CNOT1: variants seen among roughly 807,000 people sequenced by gnomAD.
The protein encoded by CNOT1 is CCR4-NOT transcription complex subunit 1.
In CNOT1, 15 loss-of-function variants were observed where a neutral mutation model predicts 273.8. The ratio of observed to expected loss-of-function variants is 0.05; its 90% confidence interval spans 0.04 to 0.08. CNOT1 has a LOEUF of 0.08. CNOT1 is among the 10% of genes least tolerant of loss of function. The pLI is 1.00. For synonymous variants in CNOT1, 1,022 were observed against 1,005.5 expected (o/e 1.02, Z -0.31); for missense variants, 1,644 against 2,912.2 (o/e 0.56, Z 10.02).
chr16:58,585,290 A>G (rs1366962612), intron 8 of CNOT1, 48 bp downstream of exon 8: 1 of 1,603,300 alleles, frequency 6.2e-7, no homozygotes, highest in Non-Finnish European at 8.5e-7. Flanking sequence ...GAATTACATC[A>G]TGTTTGGCAC....
rs577831665 is a variant in CNOT1, at chr16:58,579,331, T to C, written c.1344-392A>G. ...CAGATTTACAGAATAAAAGAAACTA[T>C]GGACTGCGTCTGGATTCTCAATCAT... is the stretch of plus-strand genomic sequence containing the variant. On this transcript the variant is annotated intron_variant, in intron 12 of 48. Coordinates refer to ENST00000317147, the MANE Select transcript of CNOT1 (RefSeq NM_016284.5). Among the ~76,000 whole-genome samples, 17 of 152,318 alleles carry C rather than the reference T, an allele frequency of 1.1e-4. No homozygotes were observed. In the South Asian group the frequency reaches 3.1e-3, roughly 28 times the overall value.
chr16:58,539,023 T>C, intron 35 of CNOT1, 109 bp from the exon 36 acceptor site: 1 of 1,461,280 alleles, frequency 6.8e-7, no homozygotes, highest in Non-Finnish European at 9.1e-7. Context: ...TTCCAAAGCC[T>C]CCCTGTCCTT....
At chr16:58,617,788 T>C (rs928794678) in intron 1 of CNOT1, among the ~76,000 whole-genome samples, 2 of 152,100 alleles carry the variant, frequency 1.3e-5, no homozygotes, top group African/African-American at 4.8e-5. Context: ...GGAGGACCAC[T>C]TGAAACCAGG....
chr16:58,527,532 T>C (rs1483859630), intron 44 of CNOT1, among the ~76,000 whole-genome samples: 2 of 150,904 alleles, frequency 1.3e-5, no homozygotes, highest in Non-Finnish European at 3.0e-5. Flanking sequence ...GTCTCAAAAA[T>C]AAATAAATAA....
chr16:58,560,545 G>A (rs1358396668), intron 16 of CNOT1, among the ~76,000 whole-genome samples, 183 bp from the exon 17 acceptor site: 4 of 151,730 alleles, frequency 2.6e-5, no homozygotes, highest in African/African-American at 9.7e-5. Context: ...CGATTCTTCT[G>A]CCTCAGCCTC....
intron 12 of CNOT1, among the ~76,000 whole-genome samples, chr16:58,580,430 C>T (rs1410713346): frequency 6.6e-6 from 1 of 151,960 alleles, no homozygotes; most frequent in Non-Finnish European, 1.5e-5. Flanking sequence ...CACCTAAAGA[C>T]AGACCTTACA....
chr16:58,567,178 GA>G (rs1247685803), intron 16 of CNOT1, among the ~76,000 whole-genome samples: 5 of 150,220 alleles, frequency 3.3e-5, no homozygotes, highest in African/African-American at 1.2e-4. Flanking sequence ...AAGAAAGAAA[GA>G]AAAAAAAAGG....
chr16:58,540,947 T>C (rs2040074632), intron 34 of CNOT1, among the ~76,000 whole-genome samples: 1 of 152,244 alleles, frequency 6.6e-6, no homozygotes, highest in Non-Finnish European at 1.5e-5. Context: ...GGCTCAGGCC[T>C]GTAATCCCAG....
At chr16:58,610,021 T>C (rs1003973324) in intron 1 of CNOT1, among the ~76,000 whole-genome samples, 8 of 152,136 alleles carry the variant, frequency 5.3e-5, no homozygotes, top group Non-Finnish European at 1.0e-4. Flanking sequence ...AAAGGAAACA[T>C]TGACCAAGAG....
Position 58,540,042 on chromosome 16 carries a change from C to T in CNOT1, c.4801-83G>A, listed in dbSNP as rs246195. ...GACACATGTATCAAATAGAGGTCTA[C>T]TAGTATGTTTACTCCCTTTTTCTTA... On this transcript the variant is annotated intron_variant, in intron 34 of 48. Coordinates refer to ENST00000317147, the MANE Select transcript of CNOT1 (RefSeq NM_016284.5). 0.59 allele frequency: 816,289 copies of T among 1,385,816 alleles called. 249,391 individuals are homozygous for T. The highest frequency in any genetic ancestry group is 0.97 in the East Asian group (42,094 of 43,268). The allele number at this position is 1,385,816 out of a possible 1,614,324, so 85.8% of individuals were successfully genotyped here.
chr16:58,572,610 C>A (rs984476044), intron 16 of CNOT1, among the ~76,000 whole-genome samples: 3 of 150,904 alleles, frequency 2.0e-5, no homozygotes, highest in African/African-American at 7.3e-5. Flanking sequence ...CACACACACA[C>A]AAAAATTAAG....
intron 1 of CNOT1, among the ~76,000 whole-genome samples, chr16:58,618,683 G>A (rs571900528): frequency 6.7e-5 from 10 of 149,570 alleles, no homozygotes; most frequent in South Asian, 2.1e-4. Context: ...TGACCCTTCC[G>A]TAGTTCATAA....
intron 46 of CNOT1, chr16:58,523,831 G>A (rs1359661638): frequency 4.9e-6 from 1 of 202,998 alleles, no homozygotes; most frequent in Non-Finnish European, 1.0e-5. Flanking sequence ...ATAAAAGACA[G>A]CTGGATTCTC....
intron 34 of CNOT1, among the ~76,000 whole-genome samples, chr16:58,540,839 G>C (rs1000167140): frequency 1.3e-5 from 2 of 152,164 alleles, no homozygotes; most frequent in Admixed American, 1.3e-4. Flanking sequence ...ACCGGTTCGG[G>C]GGAAAATATT....
intron 1 of CNOT1, among the ~76,000 whole-genome samples, chr16:58,618,002 C>T (rs951528642): frequency 6.6e-6 from 1 of 152,090 alleles, no homozygotes; most frequent in African/African-American, 2.4e-5. Context: ...CAAGACCCTG[C>T]CTCTATAAAA....
rs749854627 is a variant in CNOT1 at position 58,588,874 on chromosome 16, C to G, written c.135G>C (p.Arg45Ser). The G allele has an allele frequency of 6.2e-7, 1 of 1,613,746 alleles. No individual in the cohort carries two copies. The highest frequency in any genetic ancestry group is 1.1e-5 in the South Asian group (1 of 91,030). Residue 45 changes from arginine (R) to serine (S), a missense_variant, in exon 3 of 49, where the codon AGG becomes AGC. Arg to Ser is a moderately radical substitution (Grantham distance 110). Around this residue, in one of 13 missense-constraint regions of CNOT1, gnomAD observed 706 missense variants for 1,021.2 expected, o/e 0.69. Coordinates refer to ENST00000317147, the MANE Select transcript of CNOT1 (RefSeq NM_016284.5). ...GCGAAAATAGGCAGCGTAATAAATG[C>G]CTGTCTGCCTCAGGACCGTGCCGAT... ...IVNRHGPEAD[R>S]HLLRCLFSHV...
At chr16:58,591,482 G>A (rs2042050334) in intron 2 of CNOT1, among the ~76,000 whole-genome samples, 1 of 152,134 alleles carries the variant, frequency 6.6e-6, no homozygotes, top group African/African-American at 2.4e-5. Flanking sequence ...CGCCGGACTC[G>A]GAGGCTCATG....
intron 3 of CNOT1, among the ~76,000 whole-genome samples, chr16:58,588,309 G>A (rs968171537): frequency 6.6e-6 from 1 of 151,568 alleles, no homozygotes; most frequent in African/African-American, 2.4e-5. Flanking sequence ...AAGGTAAAAG[G>A]AACCAGGAAA....
intron 12 of CNOT1, among the ~76,000 whole-genome samples, chr16:58,579,249 G>A (rs1234891507): frequency 1.3e-5 from 2 of 152,112 alleles, no homozygotes; most frequent in African/African-American, 2.4e-5. Context: ...GAGAACAAAT[G>A]CTGTATTTCT....
Sources: gnomAD v4.1 joint callset for allele counts (sites outside exome capture counted in the v4.1 genomes callset) on GRCh38, gnomAD v4.1.1 for gene constraint, gnomAD v4.1.1 regional missense constraint, MANE v1.5 for transcripts, NCBI Gene and HGNC (gene_info 2026-07-23, HGNC 2026-07-21) for gene names.